TPR: variants seen among roughly 807,000 people sequenced by gnomAD.
TPR encodes nucleoprotein TPR.
TPR carries 51 observed loss-of-function variants against 316.1 expected under a neutral mutation model. That is an observed-to-expected ratio of 0.16 (90% CI 0.13 to 0.20). The LOEUF (loss-of-function observed/expected upper bound fraction) is 0.20, where lower values mean the gene tolerates loss of function less well. Ranked by LOEUF, TPR falls within the 10% of genes least tolerant of loss-of-function variation. TPR has a pLI of 1.00. For synonymous variants in TPR, 981 were observed against 914.7 expected (o/e 1.07, Z -1.31); for missense variants, 2,272 against 2,754.8 (o/e 0.82, Z 3.92).
chr1:186,354,469 C>T lies in TPR; in HGVS notation c.2172-619G>A, dbSNP rs187516379. Among the ~76,000 whole-genome samples, 295 of 152,226 alleles carry T rather than the reference C, an allele frequency of 1.9e-3. 1 individual carries two copies. The highest frequency in any genetic ancestry group is 6.6e-3 in the African/African-American group (272 of 41,520). On this transcript the variant is annotated intron_variant, in intron 17 of 50. Coordinates refer to ENST00000367478, the MANE Select transcript of TPR (RefSeq NM_003292.3). Reference sequence around the variant, plus strand: ...ATTTTCTTATGTGCTTGAAAGCTGACATAATGGCTGGCTAGAGGTATCAAC... The same window carrying T: ...ATTTTCTTATGTGCTTGAAAGCTGATATAATGGCTGGCTAGAGGTATCAAC...
intron 17 of TPR, among the ~76,000 whole-genome samples, chr1:186,354,156 A>G (rs559822646): frequency 5.8e-4 from 89 of 152,274 alleles, no homozygotes; most frequent in African/African-American, 2.0e-3. Context: ...TAAATGGGAA[A>G]GGGGTTAATT....
rs767363499 is a variant in TPR at position 186,326,106 on chromosome 1, C to T, written c.6019G>A (p.Glu2007Lys). 1 of 1,613,714 alleles carries T rather than the reference C, an allele frequency of 6.2e-7. No individual in the cohort carries two copies. The highest frequency in any genetic ancestry group is 8.5e-7 in the Non-Finnish European group (1 of 1,179,752). The stretch of plus-strand genomic sequence containing the variant: ...TGGTTAAAATTCTAGCCAGTTACCT[C>T]AGCATCATCAGCTTCATAACCATCA... Reference protein sequence around the residue: ...GNDGYEADDAEGGDGTDPGTE... With the variant: ...GNDGYEADDAKGGDGTDPGTE... The change falls in exon 41 of 51, where the codon GAG becomes AAG. Residue 2007 changes from glutamate (E) to lysine (K), a missense_variant and splice_region_variant. Physicochemically the swap from Glu to Lys is moderately conservative, Grantham distance 56 (BLOSUM62 1). This residue lies in a region of TPR where 435 missense variants were observed against 461.1 expected (regional missense o/e 0.94). Coordinates refer to ENST00000367478, the MANE Select transcript of TPR (RefSeq NM_003292.3).
At chr1:186,374,534 C>T (rs1256837735) in intron 1 of TPR, among the ~76,000 whole-genome samples, 3 of 152,156 alleles carry the variant, frequency 2.0e-5, no homozygotes, top group African/African-American at 7.2e-5. Context: ...GAGCCACTAT[C>T]AGTTGAAGTG....
rs759382198 is a variant in TPR at position 186,347,303 on chromosome 1, T to C, written c.2932A>G (p.Lys978Glu). 3.1e-6 allele frequency: 5 copies of C among 1,613,260 alleles called. No homozygotes were observed. In the African/African-American group the frequency reaches 4.0e-5, roughly 13 times the overall value. Residue 978 changes from lysine to glutamate, a missense_variant, in exon 22 of 51, where the codon AAG (lysine) becomes GAG (glutamate). Coordinates refer to ENST00000367478, the MANE Select transcript of TPR (RefSeq NM_003292.3). ...MVTSLEESLN[K>E]EKQVTEEVRK... ...AGAATTATACATACCTGTTTTTCCT[T>C]GTTCAGGGATTCTTCTAAACTAGTA...
intron 37 of TPR, among the ~76,000 whole-genome samples, chr1:186,332,765 C>T (rs1198015377): frequency 6.6e-6 from 1 of 151,980 alleles, no homozygotes; most frequent in Non-Finnish European, 1.5e-5. Context: ...TCTTTTAGTC[C>T]TCAGGACTTC....
intron 49 of TPR, among the ~76,000 whole-genome samples, chr1:186,316,308 C>T (rs1022077978): frequency 3.3e-5 from 5 of 152,062 alleles, no homozygotes; most frequent in Non-Finnish European, 5.9e-5. Context: ...TTATGAGTAT[C>T]CATATTACAT....
At chr1:186,360,218 T>C in intron 11 of TPR, 55 bp downstream of exon 11, 1 of 1,559,478 alleles carries the variant, frequency 6.4e-7, no homozygotes, top group Non-Finnish European at 8.7e-7. Context: ...TTTGAAGAGA[T>C]TTGTATACAT....
intron 5 of TPR, 74 bp from the exon 6 acceptor site, chr1:186,363,075 T>C: frequency 6.9e-7 from 1 of 1,454,182 alleles, no homozygotes; most frequent in Non-Finnish European, 9.2e-7. Context: ...TGTCTGTAGC[T>C]AAGGGACACA....
Position 186,312,874 on chromosome 1 carries a change from A to C in TPR, c.*1097T>G, listed in dbSNP as rs774754880. On this transcript the variant is annotated 3_prime_UTR_variant, in exon 51 of 51. Coordinates refer to ENST00000367478, the MANE Select transcript of TPR (RefSeq NM_003292.3). Reference sequence around the variant, plus strand: ...AACATCAGAAAACCTGACGGCTATGATTACTATGCCTTTTCTAAAGGTAAG... The same window carrying C: ...AACATCAGAAAACCTGACGGCTATGCTTACTATGCCTTTTCTAAAGGTAAG... 19 of 1,612,640 alleles carry C rather than the reference A, an allele frequency of 1.2e-5. No individual in the cohort carries two copies. The Admixed American group carries it at 3.2e-4, about 27-fold the overall frequency.
rs77159860 is a variant in TPR at position 186,313,490 on chromosome 1, T to C, written c.*481A>G. On this transcript the variant is annotated 3_prime_UTR_variant, in exon 51 of 51. Coordinates refer to ENST00000367478, the MANE Select transcript of TPR (RefSeq NM_003292.3). ...AAAAAGATGGTGAAATGTCAATCTT[T>C]TGAAACATCAAAAAAGCTGAAAAGT... The C allele has an allele frequency of 4.4e-4, 239 of 539,538 alleles. 4 individuals carry two copies. Among genetic ancestry groups the C allele is most frequent in the Non-Finnish European group, 1.1e-4 (33 of 305,316 alleles). The allele number at this position is 539,538 out of a possible 1,614,324, so 33.4% of individuals were successfully genotyped here. A position where few individuals can be genotyped will look rare whatever the true frequency, so the allele number is the denominator to read the frequency against.
intron 19 of TPR, 40 bp downstream of exon 19, chr1:186,351,936 T>G (rs1353772264): frequency 1.3e-6 from 2 of 1,554,786 alleles, no homozygotes; most frequent in Admixed American, 4.6e-5. Context: ...TAAATTTAAC[T>G]TTTATACATT....
At position 186,335,048 on chromosome 1, in the gene TPR, A is replaced by G; in HGVS notation, c.4973+20T>C. 6.2e-7 allele frequency: 1 copy of G among 1,608,652 alleles called. No individual in the cohort carries two copies. Among genetic ancestry groups the G allele is most frequent in the African/African-American group, 1.3e-5 (1 of 74,654 alleles). On this transcript the variant is annotated intron_variant, in intron 35 of 50. Coordinates refer to ENST00000367478, the MANE Select transcript of TPR (RefSeq NM_003292.3). ...AGCTTTAAAAGAAAAATAACAGACT[A>G]TGAAATAACTAAAACTCACATTCCT...
At chr1:186,318,349 C>CA (rs1184154538) in intron 48 of TPR, 98 bp downstream of exon 48, 3 of 1,352,576 alleles carry the variant, frequency 2.2e-6, no homozygotes, top group Non-Finnish European at 3.0e-6. Context: ...CAAAAAAAAA[C>CA]AAAACACAAC....
In TPR at chr1:186,331,636, A is replaced by T. The variant is rs1658169582; in HGVS notation, c.5605-55T>A. ...ATATCAGTGTAGTAGATGAAGGGTT[A>T]CCTGTTTTTGTTAGTTCTCTCATTT... On this transcript the variant is annotated intron_variant, in intron 38 of 50. Transcript: ENST00000367478. 7.4e-6 allele frequency: 9 copies of T among 1,217,588 alleles called. No homozygotes were observed. In the South Asian group the frequency reaches 1.8e-4, roughly 24 times the overall value. 75.4% of individuals were successfully genotyped at this position (1,217,588 alleles called of 1,614,324 possible).
intron 12 of TPR, 145 bp from the exon 13 acceptor site, chr1:186,358,795 A>T (rs1391023733): frequency 2.8e-5 from 18 of 644,814 alleles, no homozygotes; most frequent in South Asian, 1.6e-4. Context: ...ACTAAAAAAG[A>T]AGTTTTGTAT....
At chr1:186,338,307 C>A in intron 30 of TPR, 64 bp from the exon 31 acceptor site, 3 of 1,345,832 alleles carry the variant, frequency 2.2e-6, no homozygotes, top group Admixed American at 2.3e-5. Flanking sequence ...GTTTGAAGTC[C>A]AATGTAACTT....
In TPR at chr1:186,312,627, G is replaced by T. The variant is rs1246385058; in HGVS notation, c.*1344C>A. On this transcript the variant is annotated 3_prime_UTR_variant, in exon 51 of 51. Transcript: ENST00000367478. ...CTATTTATCAAGTACTTCTTACCAAGAACATTATATACCAGTCTATAACCC... is the reference window on the plus strand; with the variant it reads ...CTATTTATCAAGTACTTCTTACCAATAACATTATATACCAGTCTATAACCC... The T allele has an allele frequency of 1.1e-6, 1 of 921,162 alleles. No homozygotes were observed. 57.1% of individuals were successfully genotyped at this position (921,162 alleles called of 1,614,324 possible).
intron 19 of TPR, 46 bp downstream of exon 19, chr1:186,351,929 AT>A: frequency 6.5e-7 from 1 of 1,549,584 alleles, no homozygotes; most frequent in Non-Finnish European, 8.6e-7. Context: ...AAAAATCTAA[AT>A]TTAACTTTTA....
At chr1:186,325,573 T>G in intron 42 of TPR, 191 bp downstream of exon 42, 1 of 467,314 alleles carries the variant, frequency 2.1e-6, no homozygotes, top group Non-Finnish European at 3.7e-6. Context: ...CAGAAAAGAG[T>G]ATAATGACAG....
Sources: gnomAD v4.1 joint callset for allele counts (sites outside exome capture counted in the v4.1 genomes callset) on GRCh38, gnomAD v4.1.1 for gene constraint, gnomAD v4.1.1 regional missense constraint, MANE v1.5 for transcripts, NCBI Gene and HGNC (gene_info 2026-07-23, HGNC 2026-07-21) for gene names.